Variants in WNT7B observed in about 807,000 individuals in gnomAD.
WNT7B encodes the protein protein Wnt-7b.
A neutral mutation model predicts 38.2 loss-of-function variants in WNT7B; 19 were observed. The observed-to-expected ratio is 0.50, with a 90% CI of 0.35 to 0.73. The LOEUF (loss-of-function observed/expected upper bound fraction) is 0.73. WNT7B is among the 30% of genes least tolerant of loss of function. WNT7B has a pLI of 0.01. For synonymous variants in WNT7B, 243 were observed against 209.3 expected (o/e 1.16, Z -1.39); for missense variants, 423 against 507.9 (o/e 0.83, Z 1.61).
At chr22:45,942,972 CGT>C (rs1037537122) in intron 2 of WNT7B, among the ~76,000 whole-genome samples, 17 of 143,052 alleles carry the variant, frequency 1.2e-4, no homozygotes, top group East Asian at 4.0e-4. Context: ...TGTGTGTGTG[CGT>C]GTGTGCAGTG....
intron 1 of WNT7B, chr22:45,972,270 G>A (rs1229554562): frequency 5.0e-6 from 3 of 605,768 alleles, no homozygotes; most frequent in Middle Eastern, 4.1e-4. Context: ...GGCTGAACAG[G>A]CTCCGCGGGC....
At chr22:45,972,307 G>A in intron 1 of WNT7B, 2 of 513,482 alleles carry the variant, frequency 3.9e-6, no homozygotes, top group South Asian at 2.6e-5. Context: ...CTGAGGCCGG[G>A]GTCCCCGCGG....
intron 1 of WNT7B, among the ~76,000 whole-genome samples, chr22:45,964,625 C>A (rs928638682): frequency 3.9e-5 from 6 of 152,184 alleles, no homozygotes; most frequent in African/African-American, 1.4e-4. Context: ...CCCACTCCCC[C>A]TTCCCACCTG....
At chr22:45,952,201 C>T (rs1306907903) in intron 1 of WNT7B, among the ~76,000 whole-genome samples, 2 of 152,238 alleles carry the variant, frequency 1.3e-5, no homozygotes, top group African/African-American at 4.8e-5. Context: ...GACCCTTCTT[C>T]TACCTACTGC....
At position 45,922,298 on chromosome 22, in the gene WNT7B, G is replaced by C. The variant is rs67976848; in HGVS notation, c.*558C>G. The C allele has an allele frequency of 0.12, 18,443 of 153,532 alleles. 1,159 individuals are homozygous for C. Among genetic ancestry groups the C allele is most frequent in the East Asian group, 0.2 (1,047 of 5,172 alleles). 9.5% of individuals were successfully genotyped at this position (153,532 alleles called of 1,614,324 possible). On this transcript the variant is annotated 3_prime_UTR_variant, in exon 4 of 4. Transcript: ENST00000339464. Reference sequence around the variant, plus strand: ...GGTGTCTAGGGGATGGGCTGACACAGAGTACGGAGTTAGGACTGGCTATGT... The same window carrying C: ...GGTGTCTAGGGGATGGGCTGACACACAGTACGGAGTTAGGACTGGCTATGT...
chr22:45,959,901 G>A (rs773156559), intron 1 of WNT7B, among the ~76,000 whole-genome samples: 14 of 152,268 alleles, frequency 9.2e-5, no homozygotes, highest in Middle Eastern at 3.4e-3. Context: ...GAGCCTGCCC[G>A]GGCCTCAGCA....
At chr22:45,929,336 T>C (rs972158656) in intron 3 of WNT7B, among the ~76,000 whole-genome samples, 2 of 152,248 alleles carry the variant, frequency 1.3e-5, no homozygotes, top group African/African-American at 4.8e-5. Context: ...AGGCAAAGCC[T>C]GTGTCACTCA....
intron 3 of WNT7B, chr22:45,927,189 AGGGGCAGAGCTG>A (rs777066637): frequency 7.1e-6 from 7 of 985,290 alleles, no homozygotes; most frequent in African/African-American, 1.7e-5. Flanking sequence ...ACCATGTGCC[AGGGGCAGAGCTG>A]GGGGCCGGGC....
intron 3 of WNT7B, among the ~76,000 whole-genome samples, chr22:45,930,781 G>A (rs1324629495): frequency 1.3e-5 from 2 of 152,186 alleles, no homozygotes; most frequent in African/African-American, 4.8e-5. Flanking sequence ...GCTGTGGCCT[G>A]GGACCCTCCG....
intron 1 of WNT7B, among the ~76,000 whole-genome samples, chr22:45,967,272 G>A (rs1932333009): frequency 1.3e-5 from 2 of 152,130 alleles, no homozygotes; most frequent in South Asian, 4.2e-4. Flanking sequence ...ATCTGACAAG[G>A]GAGGGCGCCC....
intron 1 of WNT7B, among the ~76,000 whole-genome samples, chr22:45,968,816 T>A (rs1411377375): frequency 6.6e-6 from 1 of 152,046 alleles, no homozygotes; most frequent in African/African-American, 2.4e-5. Flanking sequence ...CTATGGAACG[T>A]TCTACACTTT....
intron 1 of WNT7B, among the ~76,000 whole-genome samples, chr22:45,964,608 C>T (rs554054854): frequency 3.3e-5 from 5 of 152,178 alleles, no homozygotes; most frequent in Non-Finnish European, 7.4e-5. Flanking sequence ...CATCCAGCCC[C>T]GGGCCACCCA....
intron 1 of WNT7B, chr22:45,954,614 C>T (rs551390421): frequency 1.5e-5 from 15 of 985,254 alleles, no homozygotes; most frequent in South Asian, 4.7e-5. Flanking sequence ...CCTGCGTGCC[C>T]GTGCATGGGT....
intron 2 of WNT7B, among the ~76,000 whole-genome samples, chr22:45,940,815 A>G (rs1931627324): frequency 6.6e-6 from 1 of 152,146 alleles, no homozygotes; most frequent in Non-Finnish European, 1.5e-5. Context: ...GTCCCAAAGG[A>G]TGGGAGAGGT....
At chr22:45,957,809 G>A (rs946829186) in intron 1 of WNT7B, among the ~76,000 whole-genome samples, 1 of 150,752 alleles carries the variant, frequency 6.6e-6, no homozygotes, top group Non-Finnish European at 1.5e-5. Context: ...AGCCCTTCCT[G>A]CACACACGCT....
Position 45,977,048 on chromosome 22 carries a change from G to T in WNT7B, c.-294C>A, listed in dbSNP as rs912315393. 1.0e-6 allele frequency: 1 copy of T among 982,782 alleles called. No individual in the cohort carries two copies. Among genetic ancestry groups the T allele is most frequent in the African/African-American group, 1.8e-5 (1 of 57,070 alleles). The allele number at this position is 982,782 out of a possible 1,614,324, so 60.9% of individuals were successfully genotyped here. On this transcript the variant is annotated 5_prime_UTR_variant, in exon 1 of 4. Coordinates refer to ENST00000339464, the MANE Select transcript of WNT7B (RefSeq NM_058238.3). ...GCAAGCGCGGGCCGGGGGCCCGGGC[G>T]CGGCTGGCGGGCGGGTGCAGCCTGC...
chr22:45,942,803 G>C (rs1481855939), intron 2 of WNT7B, among the ~76,000 whole-genome samples: 1 of 152,230 alleles, frequency 6.6e-6, no homozygotes, highest in Non-Finnish European at 1.5e-5. Context: ...TCTCCAAGCA[G>C]GCCTGGACCC....
chr22:45,959,400 G>C (rs929345139), intron 1 of WNT7B, among the ~76,000 whole-genome samples: 1 of 152,198 alleles, frequency 6.6e-6, no homozygotes, highest in African/African-American at 2.4e-5. Flanking sequence ...ATGGGGTGGT[G>C]AGGATTATGA....
At chr22:45,929,451 T>C (rs1252506953) in intron 3 of WNT7B, among the ~76,000 whole-genome samples, 3 of 149,470 alleles carry the variant, frequency 2.0e-5, no homozygotes, top group African/African-American at 7.6e-5. Flanking sequence ...GATCCATCCT[T>C]TGATTCGTCC....
Sources: gnomAD v4.1 joint callset for allele counts (sites outside exome capture counted in the v4.1 genomes callset) on GRCh38, gnomAD v4.1.1 for gene constraint, MANE v1.5 for transcripts, NCBI Gene and HGNC (gene_info 2026-07-23, HGNC 2026-07-21) for gene names.